Variants in RFFL observed in about 807,000 individuals in gnomAD.
The protein encoded by RFFL is ring finger and FYVE like domain containing E3 ubiquitin protein ligase, also known as E3 ubiquitin-protein ligase rififylin.
A neutral mutation model predicts 40.4 loss-of-function variants in RFFL; 16 were observed. That is an observed-to-expected ratio of 0.40 (90% CI 0.27 to 0.60). The LOEUF is 0.60. Ranked by LOEUF, RFFL falls within the 20% of genes least tolerant of loss-of-function variation. The pLI is 0.47. For synonymous variants in RFFL, 154 were observed against 167.9 expected, an observed-to-expected ratio of 0.92 and a Z score of 0.64; for missense variants, 367 against 451.7, an observed-to-expected ratio of 0.81 and a Z score of 1.70.
At chr17:35,057,534 A>G (rs2091268182) in intron 1 of RFFL, among the ~76,000 whole-genome samples, 1 of 151,438 alleles carries the variant, frequency 6.6e-6, no homozygotes, top group African/African-American at 2.4e-5. Flanking sequence ...CTTACCAGGT[A>G]TTTGTGAAAG....
At position 35,009,510 on chromosome 17, in the gene RFFL, T is replaced by A. The variant is rs994767101; in HGVS notation, c.*2458A>T. The A allele has an allele frequency of 6.6e-6, 1 of 152,022 alleles. No individual in the cohort carries two copies. Among genetic ancestry groups the A allele is most frequent in the Non-Finnish European group, 1.5e-5 (1 of 68,016 alleles). The allele number at this position is 152,022 out of a possible 1,614,324, so 9.4% of individuals were successfully genotyped here. ...TTCAAAGATTTAAAAAAAATCAAATTTTAGACCTTGGTTAAATATTAACTG... is the reference window on the plus strand; with the variant it reads ...TTCAAAGATTTAAAAAAAATCAAATATTAGACCTTGGTTAAATATTAACTG... On this transcript the variant is annotated 3_prime_UTR_variant, in exon 7 of 7. Coordinates refer to ENST00000394597, the MANE Select transcript of RFFL (RefSeq NM_001017368.2).
At chr17:35,020,096 TC>T (rs1411973144) in intron 3 of RFFL, among the ~76,000 whole-genome samples, 1 of 152,182 alleles carries the variant, frequency 6.6e-6, no homozygotes, top group Non-Finnish European at 1.5e-5. Flanking sequence ...TCTCTCAACA[TC>T]CTGGCAAGAT....
rs763947418 is a variant in RFFL, at chr17:35,061,041, T to C, written c.-9+2535A>G. 3.4e-4 allele frequency among the ~76,000 whole-genome samples: 52 copies of C among 152,002 alleles called. 1 individual carries two copies. The highest frequency in any genetic ancestry group is 2.2e-4 in the Non-Finnish European group (15 of 67,964). On this transcript the variant is annotated intron_variant, in intron 1 of 6. Transcript: ENST00000394597. ...ATGGTATATCCATGGAATGTTAACA[T>C]GAGAAGTTCAGTGAAGCTGGAGAGG...
At chr17:35,065,558 CAAA>C (rs947708350), upstream of RFFL, among the ~76,000 whole-genome samples, 7 of 51,090 alleles carry the variant, frequency 1.4e-4, no homozygotes, top group Admixed American at 2.2e-4. Context: ...AACTTCGTCT[CAAA>C]AAAAAAAAAA....
chr17:35,016,851 T>G (rs111809059), intron 4 of RFFL, among the ~76,000 whole-genome samples: 7 of 151,612 alleles, frequency 4.6e-5, no homozygotes, highest in African/African-American at 1.5e-4. Flanking sequence ...GTAGAAGGAG[T>G]GCTGGTTTGA....
rs138716670 is a variant in RFFL, at chr17:35,030,441, A to G, written c.-8-3880T>C. 9.4e-3 allele frequency among the ~76,000 whole-genome samples: 1,427 copies of G among 151,966 alleles called. 31 individuals are homozygous for G. Among genetic ancestry groups the G allele is most frequent in the African/African-American group, 0.031 (1,272 of 41,318 alleles). On this transcript the variant is annotated intron_variant, in intron 1 of 6. Transcript: ENST00000394597. ...TTTGATTTGCATTTCTCTGATGGCC[A>G]GTGATGGTGAGCATTTTTTTGTGTG...
chr17:35,061,626 C>CTTT (rs71364702), intron 1 of RFFL, among the ~76,000 whole-genome samples: 10 of 137,432 alleles, frequency 7.3e-5, no homozygotes, highest in Non-Finnish European at 1.6e-4. Flanking sequence ...CGTGGCGTGC[C>CTTT]TTTTTTTTTT....
chr17:35,078,766 G>A (rs1235938524), intron 1 of RFFL, among the ~76,000 whole-genome samples: 1 of 152,086 alleles, frequency 6.6e-6, no homozygotes, highest in Non-Finnish European at 1.5e-5. Context: ...GATCGCTTTA[G>A]GTCAGGAGTT....
At chr17:35,044,367 G>A (rs1358245135) in intron 1 of RFFL, among the ~76,000 whole-genome samples, 3 of 152,270 alleles carry the variant, frequency 2.0e-5, no homozygotes, top group South Asian at 2.1e-4. Flanking sequence ...ATGAGCCAGC[G>A]CACCTGGTCT....
intron 1 of RFFL, among the ~76,000 whole-genome samples, chr17:35,028,461 C>G (rs1049828929): frequency 1.3e-5 from 2 of 152,162 alleles, no homozygotes; most frequent in Admixed American, 1.3e-4. Context: ...TCCAATCCCT[C>G]AAATGTCAGA....
intron 1 of RFFL, among the ~76,000 whole-genome samples, chr17:35,074,880 G>T (rs1245274557): frequency 6.6e-6 from 1 of 152,142 alleles, no homozygotes; most frequent in African/African-American, 2.4e-5. Context: ...ATTTCATTCA[G>T]AAAAAGTATC....
intron 1 of RFFL, among the ~76,000 whole-genome samples, chr17:35,044,966 G>A (rs1016590506): frequency 1.3e-5 from 2 of 151,668 alleles, no homozygotes; most frequent in African/African-American, 4.9e-5. Context: ...CGATCTCCCA[G>A]GCTCAAGTGA....
chr17:35,062,029 T>C (rs1567713961), intron 1 of RFFL, among the ~76,000 whole-genome samples: 1 of 151,404 alleles, frequency 6.6e-6, no homozygotes, highest in Non-Finnish European at 1.5e-5. Context: ...GCAATGACAG[T>C]GGGAATGAAG....
At chr17:35,024,563 T>G (rs1472812268) in intron 2 of RFFL, among the ~76,000 whole-genome samples, 15 of 152,164 alleles carry the variant, frequency 9.9e-5, no homozygotes, top group Non-Finnish European at 2.9e-5. Context: ...CCATTTCTCT[T>G]TAGGACTGAA....
At position 35,026,304 on chromosome 17, in the gene RFFL, A is replaced by T. The variant is rs2091040047; in HGVS notation, c.180+70T>A. 2.0e-6 allele frequency: 3 copies of T among 1,463,866 alleles called. No individual in the cohort carries two copies. The Admixed American group carries it at 5.8e-5, about 28-fold the overall frequency. The allele number at this position is 1,463,866 out of a possible 1,614,324, so 90.7% of individuals were successfully genotyped here. A position where few individuals can be genotyped will look rare whatever the true frequency, so the allele number is the denominator to read the frequency against. ...GAAAGGAAAGGTTGCAGGCATTCAG[A>T]GGGGTCAGTGGCGCTTGCCCATGGT... is the stretch of plus-strand genomic sequence containing the variant. On this transcript the variant is annotated intron_variant, in intron 2 of 6. Transcript: ENST00000394597.
At chr17:35,085,273 A>AC (rs1437920406) in intron 1 of RFFL, among the ~76,000 whole-genome samples, 1 of 152,190 alleles carries the variant, frequency 6.6e-6, no homozygotes, top group East Asian at 1.9e-4. Context: ...TCCCATTACC[A>AC]CTAGGTTATC....
intron 5 of RFFL, 96 bp downstream of exon 5, chr17:35,016,274 A>T: frequency 9.4e-7 from 1 of 1,064,666 alleles, no homozygotes; most frequent in Non-Finnish European, 1.4e-6. Flanking sequence ...TCCATGGCTT[A>T]AGTGTGGAAA....
At chr17:35,033,794 G>T (rs1328461131) in intron 1 of RFFL, among the ~76,000 whole-genome samples, 1 of 151,740 alleles carries the variant, frequency 6.6e-6, no homozygotes, top group Non-Finnish European at 1.5e-5. Context: ...ATCGCTTGAG[G>T]CCAGGAATTC....
intron 6 of RFFL, among the ~76,000 whole-genome samples, chr17:35,014,450 C>T (rs1341740325): frequency 6.6e-6 from 1 of 152,120 alleles, no homozygotes; most frequent in Non-Finnish European, 1.5e-5. Context: ...ACATGCCACC[C>T]CTCCTCTGTT....
Sources: allele counts gnomAD v4.1 joint callset (sites outside exome capture counted in the v4.1 genomes callset), GRCh38; gene constraint gnomAD v4.1.1; transcripts MANE v1.5; gene names NCBI Gene and HGNC (gene_info 2026-07-23, HGNC 2026-07-21).